Variants in ARSG observed in about 807,000 individuals in gnomAD.
ARSG encodes arylsulfatase G.
ARSG carries 37 observed loss-of-function variants against 50.5 expected under a neutral mutation model. The ratio of observed to expected loss-of-function variants is 0.73; its 90% CI spans 0.56 to 0.96. The LOEUF is 0.96. ARSG is among the 50% of genes least tolerant of loss of function. The probability of loss-of-function intolerance (pLI) is 0.00; values close to 1 mark genes in which losing one functional copy is unlikely to be tolerated. For missense variants in ARSG, 629 were observed against 675.3 expected, an observed-to-expected ratio of 0.93 and a Z score of 0.76; for synonymous variants, 225 against 254.6, an observed-to-expected ratio of 0.88 and a Z score of 1.11.
At position 68,367,028 on chromosome 17, in the gene ARSG, A is replaced by G. The variant is rs184187870; in HGVS notation, c.705-1520A>G. ...GTGACTGGATTATTTCACTTAGCAT[A>G]ATATTTTCCGGGTCCACCCATGTGC... On this transcript the variant is annotated intron_variant, in intron 6 of 11. Coordinates refer to ENST00000621439, the MANE Select transcript of ARSG (RefSeq NM_001267727.2). The surrounding 1 kb of genome is among the most constrained non-coding windows in gnomAD (Gnocchi z 4.5). 6.6e-6 allele frequency among the ~76,000 whole-genome samples: 1 copy of G among 152,318 alleles called. No individual in the cohort carries two copies. Among genetic ancestry groups the G allele is most frequent in the Admixed American group, 6.5e-5 (1 of 15,288 alleles).
chr17:68,421,807 C>T (rs762058335), downstream of ARSG: 77 of 1,614,042 alleles, frequency 4.8e-5, no homozygotes, highest in East Asian at 6.7e-5. Context: ...CTGATTTCCA[C>T]GGCACAAGAT....
At chr17:68,434,689 T>C in the ARSG span, 2 of 1,551,768 alleles carry the variant, frequency 1.3e-6, no homozygotes, top group Non-Finnish European at 1.8e-6. Context: ...GATGTCCCTT[T>C]AGAGAGGAGT....
intron 1 of ARSG, among the ~76,000 whole-genome samples, chr17:68,294,661 A>T (rs1255216657): frequency 6.6e-6 from 1 of 151,876 alleles, no homozygotes; most frequent in Non-Finnish European, 1.5e-5. Context: ...CCATGCTCCC[A>T]CCCAGGGGCT....
the ARSG span, chr17:68,433,684 G>C: frequency 4.0e-4 from 287 of 718,016 alleles, no homozygotes; most frequent in African/African-American, 4.9e-3. Context: ...GAAGAGCCTA[G>C]GTAGACCCAG....
chr17:68,346,942 C>G, intron 3 of ARSG, 183 bp from the exon 4 acceptor site: 1 of 1,510,476 alleles, frequency 6.6e-7, no homozygotes, highest in South Asian at 1.2e-5. Flanking sequence ...TTATGTGTCC[C>G]TGTGGACACC....
rs79889930 is a variant in ARSG, at chr17:68,304,077, A to T, written c.-551-2866A>T. On this transcript the variant is annotated intron_variant, in intron 1 of 11. Coordinates refer to ENST00000621439, the MANE Select transcript of ARSG (RefSeq NM_001267727.2). Reference sequence around the variant, plus strand: ...AAATTTTAGCTTCTTTCTTAAGTGAATTTTTTTTCCCTGAAGTCTTGTACA... The same window carrying T: ...AAATTTTAGCTTCTTTCTTAAGTGATTTTTTTTTCCCTGAAGTCTTGTACA... Among the ~76,000 whole-genome samples the T allele has an allele frequency of 6.9e-3, 1,043 of 152,172 alleles. 10 individuals are homozygous for T. Among genetic ancestry groups the T allele is most frequent in the African/African-American group, 0.024 (1,007 of 41,508 alleles).
chr17:68,372,932 C>CCCAGGCT (rs1230928929), intron 8 of ARSG, among the ~76,000 whole-genome samples: 6 of 142,758 alleles, frequency 4.2e-5, no homozygotes, highest in Non-Finnish European at 7.5e-5. Flanking sequence ...CACTCTGTCA[C>CCCAGGCT]CCAGGCTGGA....
At chr17:68,384,122 G>A (rs1253126124) in intron 8 of ARSG, among the ~76,000 whole-genome samples, 2 of 152,144 alleles carry the variant, frequency 1.3e-5, no homozygotes, top group East Asian at 1.9e-4. Flanking sequence ...CAAACAAAGG[G>A]AAATTGCATG....
At position 68,368,633 on chromosome 17, in the gene ARSG, C is replaced by T. The variant is rs769314743; in HGVS notation, c.790C>T (p.Arg264Trp). Residue 264 changes from arginine (R) to tryptophan (W), a missense_variant, in exon 7 of 12, where the codon CGG (arginine) becomes TGG (tryptophan). Physicochemically the swap from Arg to Trp is moderately radical, Grantham distance 101 (BLOSUM62 -3). Transcript: ENST00000621439. ...LPVTQLPAAP[R>W]GRSLYGAGLW... ...TGTGACTCAGCTACCAGCAGCGCCA[C>T]GGGGCAGAAGCCTGTATGGTGCAGG... is the stretch of plus-strand genomic sequence containing the variant. 3.8e-5 allele frequency: 62 copies of T among 1,614,092 alleles called. No individual in the cohort carries two copies. The highest frequency in any genetic ancestry group is 1.6e-4 in the Middle Eastern group (1 of 6,082).
At position 68,271,181 on chromosome 17, in the gene ARSG, C is replaced by G; in HGVS notation, c.-552+11755C>G. 1 of 1,614,008 alleles carries G rather than the reference C, an allele frequency of 6.2e-7. No individual in the cohort carries two copies. The highest frequency in any genetic ancestry group is 8.5e-7 in the Non-Finnish European group (1 of 1,180,040). Reference sequence around the variant, plus strand: ...GTAGATAATAAAAAAGCAGCGCGGTCCTGGTCAATGCCCAGACTAATGCCC... The same window carrying G: ...GTAGATAATAAAAAAGCAGCGCGGTGCTGGTCAATGCCCAGACTAATGCCC... On this transcript the variant is annotated intron_variant, in intron 1 of 11. Coordinates refer to the ARSG transcript ENST00000448504. This position sits in a 1 kb window ranked among gnomAD's most constrained non-coding sequence, Gnocchi z 5.3.
In ARSG at chr17:68,343,709, C is replaced by T; in HGVS notation, c.324C>T (p.Val108=). The T allele has an allele frequency of 6.2e-7, 1 of 1,614,224 alleles. No individual in the cohort carries two copies. Among genetic ancestry groups the T allele is most frequent in the Non-Finnish European group, 8.5e-7 (1 of 1,180,040 alleles). ...LRNGVTRNFA[V]TSVGGLPLNE... ...ATGGAGTCACACGCAACTTTGCAGT[C>T]ACTTCTGTGGGAGGCCTTCCGCTCA... The change falls in exon 3 of 12, where the codon GTC becomes GTT. Residue 108 remains valine (V), a synonymous_variant. Transcript: ENST00000621439.
At chr17:68,317,394 G>T (rs1555768901) in intron 2 of ARSG, among the ~76,000 whole-genome samples, 1 of 152,012 alleles carries the variant, frequency 6.6e-6, no homozygotes, top group Non-Finnish European at 1.5e-5. Context: ...GCCATGTGGG[G>T]GTCGATTATG....
At chr17:68,313,793 C>T (rs1008615325) in intron 2 of ARSG, among the ~76,000 whole-genome samples, 1 of 151,724 alleles carries the variant, frequency 6.6e-6, no homozygotes, top group Non-Finnish European at 1.5e-5. Flanking sequence ...ATTCTCCTGC[C>T]TCGGCCTTCT....
chr17:68,339,948 G>C (rs759836317), intron 2 of ARSG, among the ~76,000 whole-genome samples: 1 of 152,156 alleles, frequency 6.6e-6, no homozygotes, highest in African/African-American at 2.4e-5. Flanking sequence ...ATTAGCTGGG[G>C]GATGGGTTGA....
chr17:68,393,145 C>G (rs2081074760), intron 9 of ARSG, among the ~76,000 whole-genome samples: 1 of 152,226 alleles, frequency 6.6e-6, no homozygotes. Flanking sequence ...CACCTGTGAG[C>G]TGGCACCAAT....
At chr17:68,357,754 C>T (rs550155240) in intron 6 of ARSG, among the ~76,000 whole-genome samples, 3 of 152,260 alleles carry the variant, frequency 2.0e-5, no homozygotes, top group Non-Finnish European at 2.9e-5. Flanking sequence ...TAAGCACATG[C>T]CCCATCTGAA....
intron 1 of ARSG, among the ~76,000 whole-genome samples, chr17:68,263,800 G>A (rs1199628663): frequency 2.6e-5 from 4 of 152,260 alleles, no homozygotes; most frequent in African/African-American, 9.6e-5. Context: ...TTCCCTATTG[G>A]TGAGCCCCAT....
At chr17:68,328,936 G>C (rs2077613175) in intron 2 of ARSG, among the ~76,000 whole-genome samples, 1 of 152,152 alleles carries the variant, frequency 6.6e-6, no homozygotes, top group African/African-American at 2.4e-5. Context: ...TACACCCCAG[G>C]GCAGTGATGA....
chr17:68,343,857 C>A (rs2078385917), intron 3 of ARSG, 66 bp downstream of exon 3: 1 of 1,462,580 alleles, frequency 6.8e-7, no homozygotes, highest in East Asian at 2.4e-5. Flanking sequence ...TTTGCAAATT[C>A]CCAACATACT....
Sources: gnomAD v4.1 joint callset for allele counts (sites outside exome capture counted in the v4.1 genomes callset) on GRCh38, gnomAD v4.1.1 for gene constraint, Gnocchi (gnomAD v3.1) non-coding constraint, MANE v1.5 for transcripts, NCBI Gene and HGNC (gene_info 2026-07-23, HGNC 2026-07-21) for gene names.